The following MORC2 variants were observed in gnomAD, a reference collection of about 807,000 sequenced individuals.
MORC2 encodes MORC family CW-type zinc finger 2.
Under a neutral mutation model 136.0 loss-of-function variants are expected in MORC2, and 30 were observed. The observed-to-expected ratio is 0.22, with a 90% CI of 0.17 to 0.30. MORC2 has a LOEUF of 0.30. MORC2 is among the 10% of genes least tolerant of loss of function. The pLI, the probability that MORC2 is intolerant of heterozygous loss-of-function variation, is 1.00. For synonymous variants in MORC2, 439 were observed against 487.0 expected (o/e 0.90, Z 1.30); for missense variants, 922 against 1,333.1 (o/e 0.69, Z 4.80).
intron 1 of MORC2, chr22:30,966,992 G>T: frequency 1.6e-6 from 1 of 626,010 alleles, no homozygotes; most frequent in Non-Finnish European, 2.0e-6. Flanking sequence ...ACTCTGAAGT[G>T]GGTTCTTCAG....
intron 6 of MORC2, among the ~76,000 whole-genome samples, chr22:30,944,236 C>T (rs2073157297): frequency 6.6e-6 from 1 of 152,190 alleles, no homozygotes; most frequent in South Asian, 2.1e-4. Context: ...TCAACCTAGC[C>T]TCTCCACCAC....
intron 3 of MORC2, 22 bp from the exon 4 acceptor site, chr22:30,950,467 T>G (rs2040872210): frequency 4.4e-6 from 7 of 1,608,940 alleles, no homozygotes; most frequent in African/African-American, 2.7e-5. Context: ...GCAGCTGCCA[T>G]TACTGGGCCG....
rs1461376079 is a variant in MORC2 at position 30,941,256 on chromosome 22, G to C, written c.824+177C>G. Among the ~76,000 whole-genome samples, 1 of 152,194 alleles carries C rather than the reference G, an allele frequency of 6.6e-6. No homozygotes were observed. The highest frequency in any genetic ancestry group is 6.5e-5 in the Admixed American group (1 of 15,286). On this transcript the variant is annotated intron_variant, in intron 9 of 25. Transcript: ENST00000397641. The surrounding 1 kb of genome is among the most constrained non-coding windows in gnomAD (Gnocchi z 4.6). ...AGCCAGCCACCTCCACAGCTGATCT[G>C]TCCCTCCTCTAGGACCCAGAACTGA...
chr22:30,964,203 A>T (rs2041091215), intron 1 of MORC2, among the ~76,000 whole-genome samples: 1 of 152,102 alleles, frequency 6.6e-6, no homozygotes, highest in African/African-American at 2.4e-5. Context: ...TAAAAATACA[A>T]AAAATTACCC....
intron 2 of MORC2, among the ~76,000 whole-genome samples, chr22:30,957,233 C>T (rs894837003): frequency 6.6e-6 from 1 of 152,194 alleles, no homozygotes; most frequent in Non-Finnish European, 1.5e-5. Flanking sequence ...CAATAATCTC[C>T]CACAAAACCT....
At chr22:30,956,891 G>A (rs185505852) in intron 2 of MORC2, 94 bp from the exon 3 acceptor site, 2 of 1,060,580 alleles carry the variant, frequency 1.9e-6, no homozygotes, top group East Asian at 5.5e-5. Context: ...AGTATTTTGA[G>A]TCTGTTTTCA....
chr22:30,935,216 G>A (rs906123605), intron 18 of MORC2, 32 bp downstream of exon 18: 3 of 1,612,384 alleles, frequency 1.9e-6, no homozygotes, highest in Non-Finnish European at 2.5e-6. Context: ...AGACACCTGA[G>A]GAAAAGCCCT....
intron 1 of MORC2, among the ~76,000 whole-genome samples, chr22:30,960,347 T>C (rs776611071): frequency 2.6e-5 from 4 of 152,232 alleles, no homozygotes; most frequent in African/African-American, 9.6e-5. Context: ...AGTGAATATA[T>C]GTGCTGCTAA....
At chr22:30,930,434 C>T (rs1174233280) in intron 24 of MORC2, among the ~76,000 whole-genome samples, 3 of 152,172 alleles carry the variant, frequency 2.0e-5, no homozygotes, top group East Asian at 1.9e-4. Context: ...CTAGCTCCCT[C>T]GCCGAGCACC....
chr22:30,940,697 C>T, intron 10 of MORC2, 61 bp downstream of exon 10: 1 of 1,476,898 alleles, frequency 6.8e-7, no homozygotes, highest in East Asian at 2.3e-5. Context: ...CCCCACTTTG[C>T]CCACAAGCAG....
rs2040472939 is a variant in MORC2 at position 30,925,700 on chromosome 22, T to C, written c.*1103A>G. The C allele has an allele frequency of 6.5e-6, 1 of 153,866 alleles. No individual in the cohort carries two copies. Among genetic ancestry groups the C allele is most frequent in the Admixed American group, 6.5e-5 (1 of 15,300 alleles). 9.5% of individuals were successfully genotyped at this position (153,866 alleles called of 1,614,324 possible). A position where few individuals can be genotyped will look rare whatever the true frequency, so the allele number is the denominator to read the frequency against. On this transcript the variant is annotated 3_prime_UTR_variant, in exon 26 of 26. Coordinates refer to ENST00000397641, the MANE Select transcript of MORC2 (RefSeq NM_001303256.3). ...GAAAAACTGAACCAGACTCTTCCAATGGCCATTAAAGAGAAAATTCAGCAA... is the reference window on the plus strand; with the variant it reads ...GAAAAACTGAACCAGACTCTTCCAACGGCCATTAAAGAGAAAATTCAGCAA...
chr22:30,930,482 G>A (rs1399642562), intron 24 of MORC2, among the ~76,000 whole-genome samples: 4 of 152,188 alleles, frequency 2.6e-5, no homozygotes, highest in South Asian at 2.1e-4. Flanking sequence ...AGGCAGCATC[G>A]TGAGCAGAGC....
chr22:30,947,726 T>C (rs772150076), intron 5 of MORC2, among the ~76,000 whole-genome samples: 2 of 152,174 alleles, frequency 1.3e-5, no homozygotes, highest in African/African-American at 2.4e-5. Context: ...CTAAAGCGTA[T>C]GGGGAGCAAG....
chr22:30,961,558 CAT>C (rs2041045543), intron 1 of MORC2, among the ~76,000 whole-genome samples: 4 of 152,086 alleles, frequency 2.6e-5, no homozygotes, highest in Admixed American at 2.0e-4. Flanking sequence ...CTCATTTCAA[CAT>C]GAGTTTGTAC....
chr22:30,931,097 C>T (rs950685551), intron 24 of MORC2, among the ~76,000 whole-genome samples: 1 of 152,182 alleles, frequency 6.6e-6, no homozygotes, highest in Non-Finnish European at 1.5e-5. Flanking sequence ...GACTCCTGTT[C>T]CCATTCCCTC....
chr22:30,955,694 C>T (rs1401664720), intron 3 of MORC2, among the ~76,000 whole-genome samples: 2 of 152,144 alleles, frequency 1.3e-5, no homozygotes, highest in Non-Finnish European at 2.9e-5. Context: ...AAACACATCA[C>T]ACTAGTCGAA....
intron 16 of MORC2, 51 bp downstream of exon 16, chr22:30,936,881 G>T (rs1285676725): frequency 6.5e-7 from 1 of 1,527,732 alleles, no homozygotes; most frequent in African/African-American, 1.4e-5. Context: ...AACACAGTGA[G>T]GGGCAGGGGA....
intron 5 of MORC2, among the ~76,000 whole-genome samples, chr22:30,946,971 G>A (rs576205659): frequency 7.9e-5 from 12 of 152,250 alleles, no homozygotes; most frequent in African/African-American, 1.7e-4. Context: ...TTGACGAAAC[G>A]GCAGCAGCAC....
chr22:30,959,964 T>TTTTTG (rs980432548), intron 1 of MORC2, among the ~76,000 whole-genome samples: 1 of 152,218 alleles, frequency 6.6e-6, no homozygotes, highest in Non-Finnish European at 1.5e-5. Flanking sequence ...AAATGCAATT[T>TTTTTG]TTTTGTTTTG....
Sources: allele counts gnomAD v4.1 joint callset (sites outside exome capture counted in the v4.1 genomes callset), GRCh38; gene constraint gnomAD v4.1.1; non-coding constraint Gnocchi (gnomAD v3.1); transcripts MANE v1.5; gene names NCBI Gene and HGNC (gene_info 2026-07-23, HGNC 2026-07-21).